The following ROBO1 variants were observed in gnomAD, a reference collection of about 807,000 sequenced individuals.
The protein encoded by ROBO1 is roundabout homolog 1.
A neutral mutation model predicts 195.9 loss-of-function variants in ROBO1; 149 were observed. That is an observed-to-expected ratio of 0.76 (90% CI 0.67 to 0.87). The LOEUF is 0.87. ROBO1 is among the 40% of genes least tolerant of loss of function. The probability of loss-of-function intolerance (pLI) is 0.00; values close to 1 mark genes in which losing one functional copy is unlikely to be tolerated. For missense variants in ROBO1, 1,933 were observed against 2,068.3 expected, an observed-to-expected ratio of 0.93 and a Z score of 1.27; for synonymous variants, 816 against 733.2, an observed-to-expected ratio of 1.11 and a Z score of -1.82.
chr3:79,487,024 C>T (rs911376408), intron 2 of ROBO1, among the ~76,000 whole-genome samples: 6 of 152,054 alleles, frequency 3.9e-5, no homozygotes, highest in African/African-American at 1.2e-4. Context: ...CCCACAATGT[C>T]CCACCCCTAG....
At chr3:78,835,042 C>T (rs983643184) in intron 4 of ROBO1, among the ~76,000 whole-genome samples, 3 of 152,168 alleles carry the variant, frequency 2.0e-5, no homozygotes, top group African/African-American at 7.2e-5. Context: ...CCATTTTCGA[C>T]GGACTTTCAT....
intron 3 of ROBO1, among the ~76,000 whole-genome samples, chr3:79,057,405 C>A (rs1455451125): frequency 1.1e-4 from 17 of 151,998 alleles, no homozygotes; most frequent in Admixed American, 1.1e-3. Flanking sequence ...TGAATACTGA[C>A]AACGAAAACC....
intron 3 of ROBO1, among the ~76,000 whole-genome samples, chr3:79,003,320 T>G (rs2077548367): frequency 6.6e-6 from 1 of 152,166 alleles, no homozygotes. Context: ...ATTAAATTAT[T>G]TTTAAATTTG....
rs2081111304 is a variant in ROBO1 at position 78,688,954 on chromosome 3, G to T, written c.1046-182C>A. 2.6e-5 allele frequency among the ~76,000 whole-genome samples: 4 copies of T among 152,154 alleles called. No homozygotes were observed. The South Asian group carries it at 8.3e-4, about 32-fold the overall frequency. On this transcript the variant is annotated intron_variant, in intron 8 of 30. Transcript: ENST00000464233. Reference sequence around the variant, plus strand: ...AATGTTAAGTTCATAGTTAGAAAATGAAATAGAGTTGTTATATGAAGTTTT... The same window carrying T: ...AATGTTAAGTTCATAGTTAGAAAATTAAATAGAGTTGTTATATGAAGTTTT...
chr3:79,640,328 C>CTCTCTTGCCTGCCACCAT (rs1553778936), intron 1 of ROBO1, among the ~76,000 whole-genome samples: 1 of 151,010 alleles, frequency 6.6e-6, no homozygotes, highest in African/African-American at 2.4e-5. Context: ...AAATTTTCCT[C>CTCTCTTGCCTGCCACCAT]TCTCTCTTGC....
intron 2 of ROBO1, among the ~76,000 whole-genome samples, chr3:79,383,380 T>A (rs2036634341): frequency 1.3e-5 from 2 of 152,024 alleles, no homozygotes; most frequent in South Asian, 4.1e-4. Context: ...TGTTTAAAAC[T>A]GTCAAAATAA....
At chr3:78,950,142 C>T (rs1338528970) in intron 3 of ROBO1, among the ~76,000 whole-genome samples, 1 of 152,056 alleles carries the variant, frequency 6.6e-6, no homozygotes, top group Non-Finnish European at 1.5e-5. Flanking sequence ...ACCATTTGAA[C>T]CAGCCATCCC....
At chr3:78,849,833 C>CACATAT (rs3037552) in intron 4 of ROBO1, among the ~76,000 whole-genome samples, 2 of 128,420 alleles carry the variant, frequency 1.6e-5, no homozygotes, top group Admixed American at 7.5e-5. Flanking sequence ...TCTCCCATTA[C>CACATAT]ACACACACAC....
intron 2 of ROBO1, among the ~76,000 whole-genome samples, chr3:79,510,366 T>C (rs1250841584): frequency 1.3e-5 from 2 of 152,178 alleles, no homozygotes; most frequent in Non-Finnish European, 2.9e-5. Context: ...GTAAGTTTCC[T>C]GAGGCCTTCC....
intron 4 of ROBO1, among the ~76,000 whole-genome samples, chr3:78,831,495 G>T (rs1359997994): frequency 6.6e-6 from 1 of 152,112 alleles, no homozygotes; most frequent in Non-Finnish European, 1.5e-5. Context: ...GTCTCCTACT[G>T]CATTTGTTAA....
chr3:79,558,245 CT>C (rs2107699270), intron 2 of ROBO1, among the ~76,000 whole-genome samples: 1 of 152,202 alleles, frequency 6.6e-6, no homozygotes, highest in African/African-American at 2.4e-5. Flanking sequence ...TCTGCCACCC[CT>C]GAGACAGCAA....
chr3:79,059,171 T>C (rs577870892), intron 3 of ROBO1, among the ~76,000 whole-genome samples: 1 of 152,168 alleles, frequency 6.6e-6, no homozygotes, highest in East Asian at 1.9e-4. Flanking sequence ...AGACTGATCA[T>C]TCATGGGAAA....
intron 2 of ROBO1, among the ~76,000 whole-genome samples, chr3:79,365,117 G>A (rs1018412011): frequency 6.6e-6 from 1 of 152,048 alleles, no homozygotes; most frequent in Non-Finnish European, 1.5e-5. Context: ...CCTGTCCTCA[G>A]AATCTTCTAC....
At chr3:79,550,339 G>T (rs1441885522) in intron 2 of ROBO1, among the ~76,000 whole-genome samples, 1 of 151,930 alleles carries the variant, frequency 6.6e-6, no homozygotes, top group Non-Finnish European at 1.5e-5. Flanking sequence ...CCTTTCTAAT[G>T]GCAATCTAAC....
chr3:78,724,319 A>G (rs946827613), intron 5 of ROBO1, among the ~76,000 whole-genome samples: 1 of 152,058 alleles, frequency 6.6e-6, no homozygotes, highest in African/African-American at 2.4e-5. Flanking sequence ...CAGAAAAACA[A>G]CATAGTACTA....
intron 1 of ROBO1, among the ~76,000 whole-genome samples, chr3:79,590,645 A>G (rs563779515): frequency 1.2e-4 from 18 of 151,944 alleles, no homozygotes; most frequent in Admixed American, 3.3e-4. Flanking sequence ...AGAATTGATC[A>G]AGCTTATATG....
intron 3 of ROBO1, among the ~76,000 whole-genome samples, chr3:79,056,374 G>C (rs1559626424): frequency 2.0e-5 from 3 of 151,936 alleles, no homozygotes; most frequent in Admixed American, 2.0e-4. Flanking sequence ...CACTGATAAA[G>C]AATTGACTGA....
intron 3 of ROBO1, among the ~76,000 whole-genome samples, chr3:78,961,940 T>C (rs1055934402): frequency 6.6e-6 from 1 of 151,400 alleles, no homozygotes; most frequent in African/African-American, 2.4e-5. Flanking sequence ...TTTTGTTTTT[T>C]GTTTTTTTTT....
chr3:79,301,106 T>C (rs898522927), intron 2 of ROBO1, among the ~76,000 whole-genome samples: 5 of 152,120 alleles, frequency 3.3e-5, no homozygotes, highest in African/African-American at 1.2e-4. Context: ...TTGCAATAAA[T>C]GTTGCTACTG....
Sources: gnomAD v4.1 joint callset for allele counts (sites outside exome capture counted in the v4.1 genomes callset) on GRCh38, gnomAD v4.1.1 for gene constraint, MANE v1.5 for transcripts, NCBI Gene and HGNC (gene_info 2026-07-23, HGNC 2026-07-21) for gene names.